EIF5B: variants seen among roughly 807,000 people sequenced by gnomAD.
The protein encoded by EIF5B is eIF-5B.
EIF5B carries 47 observed loss-of-function variants against 147.5 expected under a neutral mutation model. The ratio of observed to expected loss-of-function variants is 0.32; its 90% confidence interval spans 0.25 to 0.41. EIF5B has a LOEUF of 0.41. EIF5B is among the 10% of genes least tolerant of loss of function. The probability of loss-of-function intolerance (pLI) is 1.00; values close to 1 mark genes in which losing one functional copy is unlikely to be tolerated. For missense variants in EIF5B, 1,064 were observed against 1,413.2 expected (o/e 0.75, Z 3.96); for synonymous variants, 455 against 456.2 (o/e 1.00, Z 0.03).
chr2:99,343,942 G>A (rs1263551190), intron 1 of EIF5B, among the ~76,000 whole-genome samples: 3 of 150,294 alleles, frequency 2.0e-5, no homozygotes, highest in South Asian at 4.2e-4. Flanking sequence ...TTTTTGAGAC[G>A]GAGTCTCGCT....
chr2:99,344,630 T>C (rs1434882125), intron 1 of EIF5B, among the ~76,000 whole-genome samples: 3 of 152,104 alleles, frequency 2.0e-5, no homozygotes, highest in African/African-American at 4.8e-5. Context: ...AGAGACAGGG[T>C]CTCACCATGT....
chr2:99,369,260 C>T lies in EIF5B; in HGVS notation c.1388-132C>T, dbSNP rs375834698. 3.0e-4 allele frequency: 151 copies of T among 502,088 alleles called. 1 individual carries two copies. Among genetic ancestry groups the T allele is most frequent in the East Asian group, 2.4e-3 (47 of 19,628 alleles). The allele number at this position is 502,088 out of a possible 1,614,324, so 31.1% of individuals were successfully genotyped here. On this transcript the variant is annotated intron_variant, in intron 7 of 23. Coordinates refer to ENST00000289371, the MANE Select transcript of EIF5B (RefSeq NM_015904.4). ...CTGCACTCCAGCCTGGGTGACAGAG[C>T]GAGACTCCATTTCAAAAAAATAAAA...
chr2:99,365,207 G>T (rs7601470), intron 6 of EIF5B, among the ~76,000 whole-genome samples: 57,933 of 151,912 alleles, frequency 0.38, 11,848 homozygotes, highest in East Asian at 0.63. Flanking sequence ...TGTGTGCTTA[G>T]TGTGTAACTG....
chr2:99,351,938 G>A (rs1164412314), intron 1 of EIF5B, among the ~76,000 whole-genome samples: 1 of 152,040 alleles, frequency 6.6e-6, no homozygotes, highest in African/African-American at 2.4e-5. Flanking sequence ...GACCTCATGT[G>A]ATCTGCCCAC....
At chr2:99,341,788 T>A (rs2094260161) in intron 1 of EIF5B, among the ~76,000 whole-genome samples, 1 of 152,250 alleles carries the variant, frequency 6.6e-6, no homozygotes, top group Non-Finnish European at 1.5e-5. Context: ...TAAATAACCA[T>A]ATTTTCAAAA....
rs148283047 is a variant in EIF5B, at chr2:99,388,611, A to G, written c.2272-1107A>G. On this transcript the variant is annotated intron_variant, in intron 14 of 23. Transcript: ENST00000289371. ...TTTTCTCCTTCATTCTGTTAACAAC[A>G]TAATTACTGTTGAATTTTTAGAATG... Among the ~76,000 whole-genome samples, 329 of 152,334 alleles carry G rather than the reference A, an allele frequency of 2.2e-3. 1 individual carries two copies. The highest frequency in any genetic ancestry group is 7.3e-3 in the African/African-American group (304 of 41,574).
At chr2:99,395,795 C>T (rs1172052294) in intron 21 of EIF5B, among the ~76,000 whole-genome samples, 1 of 152,110 alleles carries the variant, frequency 6.6e-6, no homozygotes, top group African/African-American at 2.4e-5. Context: ...CACACAGGCA[C>T]ATGGGGAGTG....
intron 1 of EIF5B, among the ~76,000 whole-genome samples, chr2:99,345,876 C>T (rs916580532): frequency 6.8e-6 from 1 of 147,562 alleles, no homozygotes. Context: ...CTTGGGAGGT[C>T]AAGGCTGCAG....
chr2:99,395,176 A>G (rs1675016005), intron 21 of EIF5B, among the ~76,000 whole-genome samples: 1 of 152,236 alleles, frequency 6.6e-6, no homozygotes, highest in Non-Finnish European at 1.5e-5. Flanking sequence ...CTGGGATTAT[A>G]TAGATTGGAA....
intron 17 of EIF5B, among the ~76,000 whole-genome samples, chr2:99,391,758 C>T (rs1228018671): frequency 1.5e-5 from 2 of 133,356 alleles, no homozygotes; most frequent in African/African-American, 5.7e-5. Context: ...TGGTGATAGG[C>T]TCTCACTGTC....
At chr2:99,373,829 T>C (rs1674504384) in intron 9 of EIF5B, among the ~76,000 whole-genome samples, 1 of 152,232 alleles carries the variant, frequency 6.6e-6, no homozygotes, top group African/African-American at 2.4e-5. Flanking sequence ...TTTTTATTTT[T>C]TTTTCCTTTC....
rs182308709 is a variant in EIF5B at position 99,338,604 on chromosome 2, T to C, written c.35+1015T>C. ...ACCTAGCGTTTGACTAGCTTATGAG[T>C]AGAATTAAAAGACAACAAAGATAGT... On this transcript the variant is annotated intron_variant, in intron 1 of 23. Transcript: ENST00000289371. 6.2e-3 allele frequency among the ~76,000 whole-genome samples: 947 copies of C among 152,274 alleles called. 7 individuals are homozygous for C. The highest frequency in any genetic ancestry group is 0.021 in the African/African-American group (866 of 41,554).
At chr2:99,374,619 C>T (rs1674526429) in intron 9 of EIF5B, among the ~76,000 whole-genome samples, 1 of 152,098 alleles carries the variant, frequency 6.6e-6, no homozygotes, top group Admixed American at 6.5e-5. Flanking sequence ...AAGTTTAACA[C>T]TTTGAAGTTA....
At chr2:99,379,801 T>C (rs1361794238) in intron 12 of EIF5B, among the ~76,000 whole-genome samples, 1 of 152,224 alleles carries the variant, frequency 6.6e-6, no homozygotes, top group Non-Finnish European at 1.5e-5. Flanking sequence ...CCCATATTTT[T>C]CTACTTGTTT....
In EIF5B at chr2:99,399,333, C is replaced by CA; in HGVS notation, c.3585dup (p.Asp1196ArgfsTer6). The CA allele has an allele frequency of 6.2e-7, 1 of 1,614,068 alleles. No homozygotes were observed. The highest frequency in any genetic ancestry group is 8.5e-7 in the Non-Finnish European group (1 of 1,180,026). On this transcript the variant is annotated frameshift_variant, in exon 24 of 24. Coordinates refer to ENST00000289371, the MANE Select transcript of EIF5B (RefSeq NM_015904.4). LOFTEE classifies it high-confidence loss of function. The stretch of plus-strand genomic sequence containing the variant: ...TCAGCCGGCAGTCCATTGATGCACT[C>CA]AAAGACTGGTTCAGAGATGAAATGC...
chr2:99,338,781 G>T (rs1363085766), intron 1 of EIF5B, among the ~76,000 whole-genome samples: 3 of 151,720 alleles, frequency 2.0e-5, no homozygotes, highest in Non-Finnish European at 4.4e-5. Flanking sequence ...GATGTATAGG[G>T]TACTTTTTTC....
intron 1 of EIF5B, among the ~76,000 whole-genome samples, chr2:99,354,663 C>G (rs1170276819): frequency 6.6e-6 from 1 of 151,886 alleles, no homozygotes; most frequent in African/African-American, 2.4e-5. Context: ...CATCATATAT[C>G]TTGGGTTCAC....
At chr2:99,377,514 C>T (rs965499773) in intron 10 of EIF5B, among the ~76,000 whole-genome samples, 2 of 151,268 alleles carry the variant, frequency 1.3e-5, no homozygotes, top group Non-Finnish European at 1.5e-5. Context: ...CCCCACCTGG[C>T]ACCTCAGTTA....
Position 99,371,668 on chromosome 2 carries a change from A to G in EIF5B, c.1490A>G (p.Asp497Gly), listed in dbSNP as rs202035862. The G allele has an allele frequency of 8.3e-5, 134 of 1,612,580 alleles. No homozygotes were observed. The Middle Eastern group carries it at 9.9e-4, about 12-fold the overall frequency. The change falls in exon 9 of 24, where the codon GAT (aspartate) becomes GGT (glycine). Residue 497 changes from aspartate to glycine, a missense_variant. By Grantham distance (94) the Asp-to-Gly change is moderately conservative. Coordinates refer to ENST00000289371, the MANE Select transcript of EIF5B (RefSeq NM_015904.4). ...PPPVEPEEEE[D>G]TEDAGLDDWE... ...TTTTTACTTACAGAAGAAGAAGAAG[A>G]TACTGAGGATGCTGGATTGGATGAT...
Sources: gnomAD v4.1 joint callset for allele counts (sites outside exome capture counted in the v4.1 genomes callset) on GRCh38, gnomAD v4.1.1 for gene constraint, MANE v1.5 for transcripts, NCBI Gene and HGNC (gene_info 2026-07-23, HGNC 2026-07-21) for gene names.